Variants in OSBPL6 observed in about 807,000 individuals in gnomAD.
OSBPL6 encodes the protein oxysterol-binding protein-related protein 6.
Under a neutral mutation model 125.8 loss-of-function variants are expected in OSBPL6, and 49 were observed. That is an observed-to-expected ratio of 0.39 (90% CI 0.31 to 0.49). The LOEUF is 0.49. OSBPL6 is among the 20% of genes least tolerant of loss of function. OSBPL6 has a pLI of 0.88. For synonymous variants in OSBPL6, 394 were observed against 391.8 expected (o/e 1.01, Z -0.07); for missense variants, 986 against 1,135.4 (o/e 0.87, Z 1.89).
chr2:178,349,987 TC>T (rs1398906990), intron 12 of OSBPL6, among the ~76,000 whole-genome samples: 1 of 152,202 alleles, frequency 6.6e-6, no homozygotes, highest in Admixed American at 6.5e-5. Context: ...AGCTTAGGGT[TC>T]CAAGAGCCTG....
chr2:178,366,309 A>T (rs1053275048), intron 13 of OSBPL6, among the ~76,000 whole-genome samples: 1 of 152,236 alleles, frequency 6.6e-6, no homozygotes, highest in African/African-American at 2.4e-5. Context: ...TCTTGAGCCT[A>T]TCTTGAATAC....
At chr2:178,348,915 GA>G (rs1318000401) in intron 11 of OSBPL6, among the ~76,000 whole-genome samples, 3 of 152,152 alleles carry the variant, frequency 2.0e-5, no homozygotes, top group Non-Finnish European at 2.9e-5. Context: ...AGTTATTTTT[GA>G]GGTGCAAGTA....
At chr2:178,243,558 C>A (rs1370992313) in intron 1 of OSBPL6, among the ~76,000 whole-genome samples, 2 of 152,134 alleles carry the variant, frequency 1.3e-5, no homozygotes, top group Non-Finnish European at 2.9e-5. Context: ...CCTATCCATT[C>A]ATCTCCAAAA....
intron 1 of OSBPL6, among the ~76,000 whole-genome samples, chr2:178,211,071 A>G (rs2089836151): frequency 2.0e-5 from 3 of 152,152 alleles, no homozygotes; most frequent in Admixed American, 2.0e-4. Context: ...CAGAAGTTCA[A>G]GACCAGCCTG....
At chr2:178,383,418 A>G in intron 17 of OSBPL6, 141 bp downstream of exon 17, 1 of 1,325,452 alleles carries the variant, frequency 7.5e-7, no homozygotes, top group Non-Finnish European at 1.0e-6. Flanking sequence ...CTGTTTGCAT[A>G]AATCCGGCAA....
intron 11 of OSBPL6, 73 bp downstream of exon 11, chr2:178,339,837 T>G (rs1213949592): frequency 8.9e-7 from 1 of 1,120,264 alleles, no homozygotes; most frequent in Non-Finnish European, 1.2e-6. Context: ...CATCAGTTTA[T>G]GGGCGTTAGA....
intron 1 of OSBPL6, 26 bp from the exon 2 acceptor site, chr2:178,284,896 GTACTA>G (rs967079869): frequency 1.8e-5 from 7 of 396,278 alleles, no homozygotes; most frequent in Non-Finnish European, 3.1e-5. Flanking sequence ...TTGTAAAGAT[GTACTA>G]TATGACTGTA....
At position 178,349,348 on chromosome 2, in the gene OSBPL6, A is replaced by T. The variant is rs1691019993; in HGVS notation, c.1112A>T (p.Tyr371Phe). 6.2e-7 allele frequency: 1 copy of T among 1,614,216 alleles called. No homozygotes were observed. Among genetic ancestry groups the T allele is most frequent in the Non-Finnish European group, 8.5e-7 (1 of 1,180,030 alleles). ...LTDPLESSTD[Y>F]TKLQEEFCLI... ...GACCCTCTGGAAAGTTCAACAGATT[A>T]TACAAAGCTGCAAGAAGAATTTTGT... The change falls in exon 12 of 25, where the codon TAT (tyrosine) becomes TTT (phenylalanine). Residue 371 changes from tyrosine (Y) to phenylalanine (F), a missense_variant. This residue lies in a region of OSBPL6 where 843 missense variants were observed against 997.3 expected (regional missense o/e 0.85). Coordinates refer to ENST00000190611, the MANE Select transcript of OSBPL6 (RefSeq NM_032523.4).
In OSBPL6 at chr2:178,336,447, C is replaced by A; in HGVS notation, c.790+14C>A. ...GGTGTGCAGAAGGTTAGTTCTTGCC[C>A]AGTGTGGCCTGAGAGTAAGCCAAAA... On this transcript the variant is annotated intron_variant, in intron 9 of 24. Transcript: ENST00000190611. 6.2e-7 allele frequency: 1 copy of A among 1,612,356 alleles called. No individual in the cohort carries two copies. Among genetic ancestry groups the A allele is most frequent in the South Asian group, 1.1e-5 (1 of 90,762 alleles).
intron 15 of OSBPL6, among the ~76,000 whole-genome samples, chr2:178,379,261 C>G (rs1331478844): frequency 3.6e-5 from 4 of 110,806 alleles, no homozygotes; most frequent in Non-Finnish European, 7.6e-5. Flanking sequence ...GAAAGAAAAA[C>G]AAAGAAAGAG....
chr2:178,351,426 CT>C (rs1691246775), intron 12 of OSBPL6, among the ~76,000 whole-genome samples: 1 of 151,628 alleles, frequency 6.6e-6, no homozygotes, highest in African/African-American at 2.4e-5. Context: ...ATACAAAACC[CT>C]GTTATTCTAT....
At position 178,345,063 on chromosome 2, in the gene OSBPL6, T is replaced by G. The variant is rs75467231; in HGVS notation, c.988-4161T>G. On this transcript the variant is annotated intron_variant, in intron 11 of 24. Coordinates refer to ENST00000190611, the MANE Select transcript of OSBPL6 (RefSeq NM_032523.4). Reference sequence around the variant, plus strand: ...CGAGGTAGATAAGGCAAATGGATAGTGAGTGACTTGTCTACAGAATATAAA... The same window carrying G: ...CGAGGTAGATAAGGCAAATGGATAGGGAGTGACTTGTCTACAGAATATAAA... 5.6e-3 allele frequency among the ~76,000 whole-genome samples: 855 copies of G among 152,260 alleles called. 9 individuals carry two copies. The highest frequency in any genetic ancestry group is 6.3e-3 in the Non-Finnish European group (426 of 68,022).
intron 1 of OSBPL6, among the ~76,000 whole-genome samples, chr2:178,197,632 C>A (rs1442466597): frequency 6.6e-6 from 1 of 152,040 alleles, no homozygotes; most frequent in Non-Finnish European, 1.5e-5. Flanking sequence ...ATAAACAGAA[C>A]AATTATTAAC....
intron 1 of OSBPL6, among the ~76,000 whole-genome samples, chr2:178,233,503 C>T (rs2090922607): frequency 6.6e-6 from 1 of 152,152 alleles, no homozygotes; most frequent in Non-Finnish European, 1.5e-5. Context: ...TCCAGAATTA[C>T]TGGGGATATT....
At chr2:178,297,627 C>T (rs1177380842) in intron 2 of OSBPL6, among the ~76,000 whole-genome samples, 1 of 152,134 alleles carries the variant, frequency 6.6e-6, no homozygotes, top group Non-Finnish European at 1.5e-5. Context: ...TACTCCTCAC[C>T]TTCATGGATC....
chr2:178,361,935 A>G (rs561410950), intron 13 of OSBPL6, 120 bp downstream of exon 13: 3 of 1,212,260 alleles, frequency 2.5e-6, no homozygotes, highest in Non-Finnish European at 3.4e-6. Flanking sequence ...CAGTTTGCAG[A>G]ATTTCCCCCA....
intron 6 of OSBPL6, 88 bp downstream of exon 6, chr2:178,331,693 A>G: frequency 1.4e-6 from 2 of 1,388,274 alleles, no homozygotes; most frequent in Non-Finnish European, 2.0e-6. Context: ...GCCTTGTGCC[A>G]TAGTTACCAG....
chr2:178,341,213 A>G (rs532532704), intron 11 of OSBPL6, among the ~76,000 whole-genome samples: 2 of 152,170 alleles, frequency 1.3e-5, no homozygotes, highest in Admixed American at 6.5e-5. Context: ...AGTGTATGCT[A>G]TTGACCACAT....
At position 178,206,799 on chromosome 2, in the gene OSBPL6, G is replaced by T. The variant is rs201158866; in HGVS notation, c.-351+12125G>T. 2.0e-5 allele frequency among the ~76,000 whole-genome samples: 3 copies of T among 152,242 alleles called. No homozygotes were observed. The East Asian group carries it at 5.8e-4, about 29-fold the overall frequency. On this transcript the variant is annotated intron_variant, in intron 1 of 24. Coordinates refer to ENST00000190611, the MANE Select transcript of OSBPL6 (RefSeq NM_032523.4). ...CCAGCTAATTTTTGTATTTTTAGTA[G>T]AGATGGGGTTTCACCATATTGGTCA...
Sources: allele counts gnomAD v4.1 joint callset (sites outside exome capture counted in the v4.1 genomes callset), GRCh38; gene constraint gnomAD v4.1.1; regional missense constraint gnomAD v4.1.1; transcripts MANE v1.5; gene names NCBI Gene and HGNC (gene_info 2026-07-23, HGNC 2026-07-21).